The following C2CD2 variants were observed in gnomAD, a reference collection of about 807,000 sequenced individuals.
The protein encoded by C2CD2 is C2 calcium dependent domain containing 2.
In C2CD2, 43 loss-of-function variants were observed where a neutral mutation model predicts 74.3. That is an observed-to-expected ratio of 0.58 (90% confidence interval 0.45 to 0.75). The LOEUF is 0.75. Ranked by LOEUF, C2CD2 falls within the 30% of genes least tolerant of loss-of-function variation. The pLI is 0.00. For missense variants in C2CD2, 801 were observed against 916.3 expected (o/e 0.87, Z 1.63); for synonymous variants, 422 against 390.7 (o/e 1.08, Z -0.94).
chr21:41,943,892 G>C (rs1252798706), intron 1 of C2CD2, among the ~76,000 whole-genome samples: 1 of 152,212 alleles, frequency 6.6e-6, no homozygotes, highest in Non-Finnish European at 1.5e-5. Context: ...GGGCTGCTCT[G>C]CTGGCATTCT....
chr21:41,925,838 G>A (rs2065205186), intron 2 of C2CD2, among the ~76,000 whole-genome samples: 1 of 152,040 alleles, frequency 6.6e-6, no homozygotes, highest in Non-Finnish European at 1.5e-5. Context: ...AGATGTCAAG[G>A]GTTAACATCT....
In C2CD2 at chr21:41,901,619, T is replaced by C. The variant is rs2064898335; in HGVS notation, c.1560+3A>G. ...AACACCTCCCCAGCCACCACGATGGTACCTTGGAGATCCCTGATATGATAA... is the reference window on the plus strand; with the variant it reads ...AACACCTCCCCAGCCACCACGATGGCACCTTGGAGATCCCTGATATGATAA... On this transcript the variant is annotated splice_donor_region_variant and intron_variant, in intron 12 of 13. Transcript: ENST00000380486. 3 of 1,614,072 alleles carry C rather than the reference T, an allele frequency of 1.9e-6. No individual in the cohort carries two copies. Among genetic ancestry groups the C allele is most frequent in the Admixed American group, 1.7e-5 (1 of 60,010 alleles).
rs769304640 is a variant in C2CD2 at position 41,918,198 on chromosome 21, A to G, written c.627T>C (p.Ser209=). 1.2e-6 allele frequency: 2 copies of G among 1,614,124 alleles called. No homozygotes were observed. Among genetic ancestry groups the G allele is most frequent in the South Asian group, 1.1e-5 (1 of 91,072 alleles). ...EDQVAETSAM[S]DVLKDILKHL... The stretch of plus-strand genomic sequence containing the variant: ...GCTTCAAGATGTCCTTGAGAACGTC[A>G]GACATCGCACTTGTCTCAGCCACCT... The change falls in exon 5 of 14, where the codon TCT becomes TCC. Residue 209 remains serine (S), a synonymous_variant. Coordinates refer to ENST00000380486, the MANE Select transcript of C2CD2 (RefSeq NM_015500.2).
At chr21:41,938,113 A>G (rs2065323527) in intron 2 of C2CD2, among the ~76,000 whole-genome samples, 1 of 152,178 alleles carries the variant, frequency 6.6e-6, no homozygotes, top group African/African-American at 2.4e-5. Context: ...CTAACCACAC[A>G]AAATGGTAAG....
chr21:41,953,018 G>A (rs1212665987), intron 1 of C2CD2: 1 of 271,914 alleles, frequency 3.7e-6, no homozygotes, highest in African/African-American at 2.2e-5. Context: ...TGCAAGCTCA[G>A]TAAGTGTCCG....
intron 5 of C2CD2, 67 bp downstream of exon 5, chr21:41,918,038 T>C: frequency 1.9e-6 from 3 of 1,593,968 alleles, no homozygotes; most frequent in Non-Finnish European, 2.6e-6. Flanking sequence ...ACACAGATTC[T>C]CCAAGAGAGG....
At chr21:41,909,622 A>T (rs1370880996) in intron 7 of C2CD2, 99 bp from the exon 8 acceptor site, 1 of 867,974 alleles carries the variant, frequency 1.2e-6, no homozygotes, top group Non-Finnish European at 2.0e-6. Flanking sequence ...GAAGACAAAG[A>T]TGTCAATATT....
rs986385228 is a variant in C2CD2, at chr21:41,926,215, A to AT, written c.379-4131dup. Reference sequence around the variant, plus strand: ...ATCCCCCAACCTGCATTTTTTTGACATTTTTTTTCCCCAAAACAAGCAAAG... The same window carrying AT: ...ATCCCCCAACCTGCATTTTTTTGACATTTTTTTTTCCCCAAAACAAGCAAAG... On this transcript the variant is annotated intron_variant, in intron 2 of 13. Transcript: ENST00000380486. The surrounding 1 kb of genome is among the most constrained non-coding windows in gnomAD (Gnocchi z 8.0). Among the ~76,000 whole-genome samples the AT allele has an allele frequency of 2.0e-4, 30 of 152,130 alleles. No homozygotes were observed. Among genetic ancestry groups the AT allele is most frequent in the East Asian group, 5.8e-4 (3 of 5,172 alleles).
Position 41,930,933 on chromosome 21 carries a change from C to T in C2CD2, c.379-8848G>A, listed in dbSNP as rs117872757. 6.5e-3 allele frequency among the ~76,000 whole-genome samples: 968 copies of T among 149,870 alleles called. 65 individuals carry two copies. Among genetic ancestry groups the T allele is most frequent in the East Asian group, 0.059 (300 of 5,084 alleles). On this transcript the variant is annotated intron_variant, in intron 2 of 13. Coordinates refer to ENST00000380486, the MANE Select transcript of C2CD2 (RefSeq NM_015500.2). ...CAGGGAAGGGCTGTGGCTGAACCTG[C>T]GGGGGAAGGGCTGGCTCTCAGGTGG...
At chr21:41,900,227 T>C (rs993395664) in intron 12 of C2CD2, among the ~76,000 whole-genome samples, 2 of 152,046 alleles carry the variant, frequency 1.3e-5, no homozygotes, top group Non-Finnish European at 2.9e-5. Flanking sequence ...TGAGCCGAGA[T>C]TACGCCACTG....
chr21:41,922,160 C>T (rs1601585403), intron 2 of C2CD2, 75 bp from the exon 3 acceptor site: 29 of 726,246 alleles, frequency 4.0e-5, no homozygotes, highest in Non-Finnish European at 5.3e-5. Flanking sequence ...TCTTCTTCTT[C>T]TTCTTTTTTT....
Position 41,903,721 on chromosome 21 carries a change from C to T in C2CD2, c.1433-1972G>A, listed in dbSNP as rs2064926902. On this transcript the variant is annotated intron_variant, in intron 11 of 13. Coordinates refer to ENST00000380486, the MANE Select transcript of C2CD2 (RefSeq NM_015500.2). This position sits in a 1 kb window ranked among gnomAD's most constrained non-coding sequence, Gnocchi z 4.5. ...CAGGCCCAGTGCTTCTGTTCAGTCC[C>T]CCGAGAGCCCGGTCCAGGTGCCAGG... Among the ~76,000 whole-genome samples, 1 of 152,158 alleles carries T rather than the reference C, an allele frequency of 6.6e-6. No individual in the cohort carries two copies. The highest frequency in any genetic ancestry group is 1.5e-5 in the Non-Finnish European group (1 of 68,022).
intron 1 of C2CD2, among the ~76,000 whole-genome samples, chr21:41,947,834 T>G (rs2146235507): frequency 6.6e-6 from 1 of 152,294 alleles, no homozygotes; most frequent in South Asian, 2.1e-4. Context: ...AGGGTAGAGC[T>G]GGAGCACAAA....
Position 41,929,127 on chromosome 21 carries a change from T to C in C2CD2, c.379-7042A>G, listed in dbSNP as rs2065242178. On this transcript the variant is annotated intron_variant, in intron 2 of 13. Coordinates refer to ENST00000380486, the MANE Select transcript of C2CD2 (RefSeq NM_015500.2). This position sits in a 1 kb window ranked among gnomAD's most constrained non-coding sequence, Gnocchi z 4.6. ...TAAAAAAAAAAAAAAGTAATAAAAA[T>C]GCAAAAAGATCACACTAATGGCATG... Among the ~76,000 whole-genome samples the C allele has an allele frequency of 6.6e-6, 1 of 151,118 alleles. No individual in the cohort carries two copies. Among genetic ancestry groups the C allele is most frequent in the Non-Finnish European group, 1.5e-5 (1 of 67,836 alleles).
At chr21:41,932,903 TGGGCACGGCAGC>T (rs2065275101) in intron 2 of C2CD2, among the ~76,000 whole-genome samples, 1 of 150,094 alleles carries the variant, frequency 6.7e-6, no homozygotes, top group East Asian at 2.0e-4. Context: ...AGGCATCCAG[TGGGCACGGCAGC>T]CAGTTTCATT....
At chr21:41,897,647 T>C (rs1277741508) in intron 13 of C2CD2, among the ~76,000 whole-genome samples, 1 of 152,172 alleles carries the variant, frequency 6.6e-6, no homozygotes, top group Non-Finnish European at 1.5e-5. Flanking sequence ...TCCTTCTCCC[T>C]TTCCTCTTCT....
intron 13 of C2CD2, chr21:41,894,799 C>A (rs1450067512): frequency 2.2e-6 from 1 of 456,602 alleles, no homozygotes; most frequent in African/African-American, 2.0e-5. Context: ...TTGGGGTAAA[C>A]GATGCAGGGA....
intron 4 of C2CD2, 110 bp downstream of exon 4, chr21:41,918,746 G>A: frequency 1.2e-6 from 1 of 828,614 alleles, no homozygotes; most frequent in Non-Finnish European, 2.0e-6. Context: ...GGCTGGGACA[G>A]GGAAGGAGGC....
intron 8 of C2CD2, chr21:41,908,243 T>TTGTGTGTGTGCGTGTGTGTGTG (rs1555901421): frequency 5.9e-6 from 1 of 168,698 alleles, no homozygotes; most frequent in Non-Finnish European, 1.2e-5. Context: ...TACCCTCAAG[T>TTGTGTGTGTGCGTGTGTGTGTG]TGTGTGTGTG....
Sources: gnomAD v4.1 joint callset for allele counts (sites outside exome capture counted in the v4.1 genomes callset) on GRCh38, gnomAD v4.1.1 for gene constraint, Gnocchi (gnomAD v3.1) non-coding constraint, MANE v1.5 for transcripts, NCBI Gene and HGNC (gene_info 2026-07-23, HGNC 2026-07-21) for gene names.